Variants in COL21A1 observed in about 807,000 individuals in gnomAD.
COL21A1 encodes collagen alpha-1(XXI) chain.
A neutral mutation model predicts 137.9 loss-of-function variants in COL21A1; 149 were observed. The observed-to-expected ratio is 1.08, with a 90% CI of 0.95 to 1.24. The LOEUF (loss-of-function observed/expected upper bound fraction) is 1.24, where lower values mean the gene tolerates loss of function less well. Ranked by LOEUF, COL21A1 falls within the 50% of genes most tolerant of loss-of-function variation. COL21A1 has a pLI of 0.00. For synonymous variants in COL21A1, 456 were observed against 391.5 expected (o/e 1.16, Z -1.95); for missense variants, 1,167 against 1,158.4 (o/e 1.01, Z -0.11).
chr6:56,172,018 G>A (rs1241026467), intron 3 of COL21A1, among the ~76,000 whole-genome samples: 1 of 149,484 alleles, frequency 6.7e-6, no homozygotes, highest in African/African-American at 2.5e-5. Flanking sequence ...AAGCCTAAGA[G>A]ATTTAAGCAA....
chr6:56,110,707 T>A (rs1309395576), intron 16 of COL21A1, among the ~76,000 whole-genome samples: 1 of 151,676 alleles, frequency 6.6e-6, no homozygotes, highest in Admixed American at 6.6e-5. Context: ...AACTGAAAAA[T>A]TTTTCAAAGT....
intron 1 of COL21A1, among the ~76,000 whole-genome samples, chr6:56,341,066 C>CA (rs1347767409): frequency 5.3e-5 from 8 of 152,258 alleles, no homozygotes; most frequent in African/African-American, 1.9e-4. Flanking sequence ...GTCACCACTT[C>CA]AAAACTCATC....
chr6:56,142,309 A>T (rs1774476902), intron 10 of COL21A1, among the ~76,000 whole-genome samples: 1 of 152,224 alleles, frequency 6.6e-6, no homozygotes, highest in Non-Finnish European at 1.5e-5. Context: ...CATATCCAAG[A>T]GAGAAACACT....
intron 1 of COL21A1, among the ~76,000 whole-genome samples, chr6:56,276,266 C>T (rs1763646737): frequency 6.6e-6 from 1 of 152,132 alleles, no homozygotes; most frequent in Non-Finnish European, 1.5e-5. Flanking sequence ...CTATTGGGTA[C>T]TATACTCAGT....
At chr6:56,303,358 C>T (rs1764350724) in intron 1 of COL21A1, among the ~76,000 whole-genome samples, 1 of 151,978 alleles carries the variant, frequency 6.6e-6, no homozygotes. Flanking sequence ...TCTTCCTACC[C>T]ATGAGCATGG....
chr6:56,099,224 ATTTTTTTTTTTTTTTT>A (rs765498868), intron 17 of COL21A1, among the ~76,000 whole-genome samples: 1 of 112,000 alleles, frequency 8.9e-6, no homozygotes, highest in East Asian at 2.4e-4. Flanking sequence ...CACAAACTAA[ATTTTTTTTTTTTTTTT>A]TTTTTTTTTT....
rs143000474 is a variant in COL21A1, at chr6:56,292,176, T to C, written c.-39+101795A>G. On this transcript the variant is annotated intron_variant, in intron 1 of 28. Coordinates refer to the COL21A1 transcript ENST00000370819. ...AGAATGAGACTCTGTCTCAAAAAAA[T>C]AAAAATTAAAAATAAAGAGTATTTT... Among the ~76,000 whole-genome samples, 295 of 152,102 alleles carry C rather than the reference T, an allele frequency of 1.9e-3. 1 individual carries two copies. In the East Asian group the frequency reaches 0.021, roughly 11 times the overall value.
At chr6:56,271,185 G>A (rs979464138) in intron 1 of COL21A1, among the ~76,000 whole-genome samples, 1 of 152,202 alleles carries the variant, frequency 6.6e-6, no homozygotes, top group Non-Finnish European at 1.5e-5. Context: ...AGTCCAGGCT[G>A]AGATGGTCTC....
chr6:56,351,596 C>T (rs75799071), intron 1 of COL21A1, among the ~76,000 whole-genome samples: 1,727 of 152,328 alleles, frequency 0.011, 27 homozygotes, highest in African/African-American at 0.038. Flanking sequence ...GCCCAAGCTG[C>T]ACATGTGTAT....
intron 1 of COL21A1, among the ~76,000 whole-genome samples, chr6:56,239,852 A>G (rs1443957216): frequency 6.6e-6 from 1 of 152,138 alleles, no homozygotes; most frequent in Non-Finnish European, 1.5e-5. Flanking sequence ...CTCCTCCAAT[A>G]TGAATGGGAT....
At chr6:56,138,590 T>C (rs1234686376) in intron 12 of COL21A1, among the ~76,000 whole-genome samples, 2 of 151,936 alleles carry the variant, frequency 1.3e-5, no homozygotes, top group Non-Finnish European at 2.9e-5. Context: ...GTCAACAGTG[T>C]CAAACACTGT....
intron 1 of COL21A1, among the ~76,000 whole-genome samples, chr6:56,387,323 G>C (rs1047950397): frequency 1.3e-5 from 2 of 152,092 alleles, no homozygotes; most frequent in Non-Finnish European, 2.9e-5. Context: ...ATTCCAATGA[G>C]AATTATTTTT....
intron 1 of COL21A1, among the ~76,000 whole-genome samples, chr6:56,265,871 G>A (rs564084837): frequency 6.6e-6 from 1 of 152,194 alleles, no homozygotes; most frequent in African/African-American, 2.4e-5. Flanking sequence ...GAGTCTTATA[G>A]AGCAAAAGCT....
intron 1 of COL21A1, among the ~76,000 whole-genome samples, chr6:56,370,848 G>A (rs986530082): frequency 6.6e-6 from 1 of 152,152 alleles, no homozygotes; most frequent in African/African-American, 2.4e-5. Context: ...CCTCCACACA[G>A]AACAATTACA....
chr6:56,392,624 C>T (rs1396902225), intron 1 of COL21A1, among the ~76,000 whole-genome samples: 5 of 152,084 alleles, frequency 3.3e-5, no homozygotes, highest in African/African-American at 1.2e-4. Flanking sequence ...ACTACTAGAA[C>T]TCATTCAGTA....
chr6:56,098,354 TATATATATGAATATATATAA>T (rs1216294080), intron 17 of COL21A1, among the ~76,000 whole-genome samples: 2 of 44,434 alleles, frequency 4.5e-5, no homozygotes, highest in Admixed American at 4.4e-4. Flanking sequence ...AATATATAAA[TATATATATGAATATATATAA>T]ATATATATAA....
intron 1 of COL21A1, among the ~76,000 whole-genome samples, chr6:56,361,585 A>T (rs1388360704): frequency 1.3e-5 from 2 of 152,226 alleles, no homozygotes; most frequent in Non-Finnish European, 2.9e-5. Context: ...AGAAGCTCCA[A>T]ATCAGAATAA....
chr6:56,334,515 T>C (rs1765297053), intron 1 of COL21A1, among the ~76,000 whole-genome samples: 1 of 152,168 alleles, frequency 6.6e-6, no homozygotes, highest in South Asian at 2.1e-4. Context: ...AATATAATCA[T>C]AAGTTAATTG....
rs569096421 is a variant in COL21A1, at chr6:56,275,036, A to G, written c.-38-92380T>C. Among the ~76,000 whole-genome samples the G allele has an allele frequency of 8.0e-4, 122 of 152,294 alleles. No individual in the cohort carries two copies. The Middle Eastern group carries it at 0.01, about 13-fold the overall frequency. On this transcript the variant is annotated intron_variant, in intron 1 of 28. Coordinates refer to the COL21A1 transcript ENST00000370819. Reference sequence around the variant, plus strand: ...CAGTCACTTAGACAAATGGAACAGAATAGAGAACCCAGAAATAAAGTCCCA... The same window carrying G: ...CAGTCACTTAGACAAATGGAACAGAGTAGAGAACCCAGAAATAAAGTCCCA...
Sources: allele counts gnomAD v4.1 joint callset (sites outside exome capture counted in the v4.1 genomes callset), GRCh38; gene constraint gnomAD v4.1.1; transcripts MANE v1.5; gene names NCBI Gene and HGNC (gene_info 2026-07-23, HGNC 2026-07-21).